The following ACER2 variants were observed in gnomAD, a reference collection of about 807,000 sequenced individuals.
ACER2 encodes alkaline ceramidase 2, also known as alkCDase 2.
In ACER2, 26 loss-of-function variants were observed where a neutral mutation model predicts 34.7. The ratio of observed to expected loss-of-function variants is 0.75; its 90% confidence interval spans 0.55 to 1.04. ACER2 has a LOEUF of 1.04. Among genes scored for constraint, ACER2 ranks in the 50% least tolerant of loss-of-function variants. The pLI is 0.00. For missense variants in ACER2, 352 were observed against 340.8 expected, an observed-to-expected ratio of 1.03 and a Z score of -0.26; for synonymous variants, 138 against 132.1, an observed-to-expected ratio of 1.04 and a Z score of -0.31.
intron 4 of ACER2, among the ~76,000 whole-genome samples, chr9:19,443,443 G>A (rs901963986): frequency 2.0e-5 from 3 of 152,246 alleles, no homozygotes; most frequent in Non-Finnish European, 4.4e-5. Flanking sequence ...TGGGATTACA[G>A]GCATGAGCCA....
intron 3 of ACER2, among the ~76,000 whole-genome samples, chr9:19,433,768 C>G (rs1830841408): frequency 6.6e-6 from 1 of 151,486 alleles, no homozygotes; most frequent in African/African-American, 2.4e-5. Flanking sequence ...GATGGGGCGG[C>G]TGGCCGGGCG....
chr9:19,409,874 T>A (rs1478636900), intron 1 of ACER2: 5 of 985,308 alleles, frequency 5.1e-6, no homozygotes, highest in Non-Finnish European at 6.0e-6. Context: ...AGTGATAATG[T>A]GCGGGTTTTG....
At chr9:19,414,390 G>A (rs575015612) in intron 1 of ACER2, among the ~76,000 whole-genome samples, 3 of 152,344 alleles carry the variant, frequency 2.0e-5, no homozygotes, top group African/African-American at 7.2e-5. Flanking sequence ...ACATTCAGAT[G>A]CATCAGGATG....
intron 1 of ACER2, among the ~76,000 whole-genome samples, chr9:19,415,920 C>T (rs745574234): frequency 2.0e-5 from 3 of 151,900 alleles, no homozygotes; most frequent in African/African-American, 4.8e-5. Flanking sequence ...GTTTGCAGTG[C>T]ATATTGTTGA....
rs61978563 is a variant in ACER2 at position 19,450,608 on chromosome 9, A to C, written c.800A>C (p.Asn267Thr). The C allele has an allele frequency of 1.3e-3, 2,107 of 1,580,548 alleles. 26 individuals are homozygous for C. In the African/African-American group the frequency reaches 0.025, roughly 19 times the overall value. Residue 267 changes from asparagine to threonine, a missense_variant, in exon 6 of 6, where the codon AAC becomes ACC. Transcript: ENST00000340967. ...GVPYVSLLCA[N>T]KKSSVKIT ...CCCTATGTGTCCCTCCTGTGTGCCA[A>C]CAAGAAATCATCAGTCAAGATCACG...
intron 3 of ACER2, among the ~76,000 whole-genome samples, chr9:19,428,948 C>T (rs898751035): frequency 5.3e-5 from 8 of 151,838 alleles, no homozygotes; most frequent in African/African-American, 1.9e-4. Context: ...TGCCACCATG[C>T]CCAGCTAATT....
At chr9:19,431,315 C>A (rs565893629) in intron 3 of ACER2, among the ~76,000 whole-genome samples, 2 of 152,156 alleles carry the variant, frequency 1.3e-5, no homozygotes, top group Non-Finnish European at 2.9e-5. Flanking sequence ...AAAGGTCTCA[C>A]AGCTACTAAG....
chr9:19,434,829 G>C (rs1406450035), intron 3 of ACER2, 118 bp from the exon 4 acceptor site: 2 of 1,335,622 alleles, frequency 1.5e-6, no homozygotes, highest in South Asian at 2.7e-5. Flanking sequence ...TTGGTACTTA[G>C]CGCAGAATTT....
intron 1 of ACER2, among the ~76,000 whole-genome samples, chr9:19,412,274 T>C (rs1830108032): frequency 6.6e-6 from 1 of 152,142 alleles, no homozygotes; most frequent in Admixed American, 6.6e-5. Context: ...AGTATGTAAG[T>C]TGTAGAGTGA....
chr9:19,413,630 A>T (rs2132455633), intron 1 of ACER2, among the ~76,000 whole-genome samples: 1 of 151,976 alleles, frequency 6.6e-6, no homozygotes, highest in South Asian at 2.1e-4. Context: ...GAAAATATTT[A>T]AGGCCCCAGT....
chr9:19,414,621 A>T (rs1326236894), intron 1 of ACER2, among the ~76,000 whole-genome samples: 2 of 152,148 alleles, frequency 1.3e-5, no homozygotes, highest in African/African-American at 4.8e-5. Flanking sequence ...CACATGGCAA[A>T]ACCCTACCCT....
chr9:19,436,507 A>C (rs2132509429), intron 4 of ACER2, among the ~76,000 whole-genome samples: 1 of 152,164 alleles, frequency 6.6e-6, no homozygotes, highest in East Asian at 1.9e-4. Flanking sequence ...TGTATCTTGT[A>C]TCTTCTTACA....
chr9:19,418,645 G>A (rs1395481147), intron 1 of ACER2, among the ~76,000 whole-genome samples: 5 of 152,062 alleles, frequency 3.3e-5, no homozygotes, highest in African/African-American at 9.7e-5. Flanking sequence ...GGAGTGGAAC[G>A]AGAACACATG....
chr9:19,422,534 T>G (rs761592972), intron 1 of ACER2, among the ~76,000 whole-genome samples: 33 of 151,966 alleles, frequency 2.2e-4, no homozygotes, highest in Non-Finnish European at 2.8e-4. Flanking sequence ...TACTTAAAAA[T>G]AGGTTTTGGT....
Position 19,446,241 on chromosome 9 carries a change from C to A in ACER2, c.504-40C>A, listed in dbSNP as rs545396631. The stretch of plus-strand genomic sequence containing the variant: ...AAGGTGGCCAGCAAGGAGGTGGAGA[C>A]AAGGTCTGACGATGAGTGACTCTCT... On this transcript the variant is annotated intron_variant, in intron 4 of 5. Coordinates refer to ENST00000340967, the MANE Select transcript of ACER2 (RefSeq NM_001010887.3). 6.2e-6 allele frequency: 10 copies of A among 1,614,058 alleles called. No homozygotes were observed. The South Asian group carries it at 1.1e-4, about 18-fold the overall frequency.
intron 1 of ACER2, among the ~76,000 whole-genome samples, chr9:19,422,691 C>CT (rs71335427): frequency 0.19 from 26,870 of 143,722 alleles, 2,569 homozygotes; most frequent in South Asian, 0.26. Flanking sequence ...CTTCATTAAA[C>CT]TTTTTTTTTT....
At chr9:19,431,225 G>A (rs1165150268) in intron 3 of ACER2, among the ~76,000 whole-genome samples, 1 of 152,132 alleles carries the variant, frequency 6.6e-6, no homozygotes, top group African/African-American at 2.4e-5. Context: ...TGGGCACTGT[G>A]TTAATGCTTA....
At chr9:19,412,560 CAGA>C (rs780459230) in intron 1 of ACER2, among the ~76,000 whole-genome samples, 1 of 148,794 alleles carries the variant, frequency 6.7e-6, no homozygotes, top group Non-Finnish European at 1.5e-5. Flanking sequence ...GAGGCTGAGG[CAGA>C]AGAATAGCTT....
In ACER2 at chr9:19,424,861, T is replaced by G; in HGVS notation, c.365+20T>G. On this transcript the variant is annotated intron_variant, in intron 3 of 5. Transcript: ENST00000340967. ...TGACCGGTAAGCTTGCACTAAACATTATTGCATTTACCACTAGGTGCAGTA... is the reference window on the plus strand; with the variant it reads ...TGACCGGTAAGCTTGCACTAAACATGATTGCATTTACCACTAGGTGCAGTA... 1 of 1,613,958 alleles carries G rather than the reference T, an allele frequency of 6.2e-7. No individual in the cohort carries two copies. Among genetic ancestry groups the G allele is most frequent in the Non-Finnish European group, 8.5e-7 (1 of 1,179,946 alleles).
Sources: allele counts gnomAD v4.1 joint callset (sites outside exome capture counted in the v4.1 genomes callset), GRCh38; gene constraint gnomAD v4.1.1; transcripts MANE v1.5; gene names NCBI Gene and HGNC (gene_info 2026-07-23, HGNC 2026-07-21).